Variants in IKZF2 observed in about 807,000 individuals in gnomAD.
IKZF2 encodes the protein zinc finger protein Helios.
IKZF2 carries 15 observed loss-of-function variants against 49.2 expected under a neutral mutation model. The ratio of observed to expected loss-of-function variants is 0.30; its 90% CI spans 0.20 to 0.47. IKZF2 has a LOEUF of 0.47. Ranked by LOEUF, IKZF2 falls within the 20% of genes least tolerant of loss-of-function variation. The pLI is 1.00. For missense variants in IKZF2, 567 were observed against 664.6 expected, an observed-to-expected ratio of 0.85 and a Z score of 1.61; for synonymous variants, 227 against 221.4, an observed-to-expected ratio of 1.03 and a Z score of -0.23.
At chr2:213,054,518 T>A (rs1469547782) in intron 5 of IKZF2, among the ~76,000 whole-genome samples, 3 of 152,106 alleles carry the variant, frequency 2.0e-5, no homozygotes, top group Admixed American at 1.3e-4. Flanking sequence ...GTGTTGAAAA[T>A]GGCAGGACAC....
At chr2:213,125,097 T>C (rs2060215156) in intron 4 of IKZF2, among the ~76,000 whole-genome samples, 1 of 152,216 alleles carries the variant, frequency 6.6e-6, no homozygotes. Flanking sequence ...CTAAATACTT[T>C]GGAAGGGTTT....
intron 4 of IKZF2, among the ~76,000 whole-genome samples, chr2:213,124,252 G>GCGCGCA (rs1270409984): frequency 2.1e-4 from 29 of 136,320 alleles, no homozygotes; most frequent in African/African-American, 7.0e-4. Context: ...GCGCGCGCGC[G>GCGCGCA]CACACACACA....
intron 4 of IKZF2, among the ~76,000 whole-genome samples, chr2:213,072,039 G>C (rs1355921097): frequency 1.3e-5 from 2 of 151,980 alleles, no homozygotes; most frequent in Non-Finnish European, 2.9e-5. Context: ...AAAAATAATA[G>C]CTTGGTTAAA....
At chr2:213,091,962 TA>T (rs1463525991) in intron 4 of IKZF2, among the ~76,000 whole-genome samples, 1 of 151,550 alleles carries the variant, frequency 6.6e-6, no homozygotes, top group African/African-American at 2.4e-5. Context: ...ATTTACTTAT[TA>T]TTTTTTGTTT....
chr2:213,024,017 T>C (rs1018540098), intron 6 of IKZF2, among the ~76,000 whole-genome samples: 3 of 152,140 alleles, frequency 2.0e-5, no homozygotes, highest in Non-Finnish European at 4.4e-5. Flanking sequence ...GGAAGAGACA[T>C]GTAGTTTTTA....
At chr2:213,125,066 G>A (rs188111841) in intron 4 of IKZF2, among the ~76,000 whole-genome samples, 9 of 152,258 alleles carry the variant, frequency 5.9e-5, no homozygotes, top group African/African-American at 2.2e-4. Flanking sequence ...ATTAACCCCT[G>A]AACTTCATTG....
At chr2:213,044,277 G>A (rs73989367) in intron 6 of IKZF2, among the ~76,000 whole-genome samples, 3,630 of 152,214 alleles carry the variant, frequency 0.024, 62 homozygotes, top group African/African-American at 0.056. Flanking sequence ...TGTAAACCCA[G>A]CCATCTTTTT....
chr2:213,146,988 A>G (rs529356007), intron 4 of IKZF2, among the ~76,000 whole-genome samples: 1 of 152,246 alleles, frequency 6.6e-6, no homozygotes, highest in South Asian at 2.1e-4. Flanking sequence ...TTAAGAAAAA[A>G]GCAACCATAT....
intron 4 of IKZF2, among the ~76,000 whole-genome samples, chr2:213,078,998 A>T: frequency 6.6e-6 from 1 of 152,224 alleles, no homozygotes; most frequent in East Asian, 1.9e-4. Context: ...ATTGAAAAAT[A>T]AACCTTAAAT....
chr2:213,069,592 T>C (rs1702492428), intron 4 of IKZF2, among the ~76,000 whole-genome samples: 1 of 152,114 alleles, frequency 6.6e-6, no homozygotes, highest in Non-Finnish European at 1.5e-5. Flanking sequence ...ACTGTAGTAT[T>C]CTAGAAATAA....
intron 4 of IKZF2, among the ~76,000 whole-genome samples, chr2:213,118,056 G>C (rs535460772): frequency 6.6e-6 from 1 of 152,078 alleles, no homozygotes; most frequent in African/African-American, 2.4e-5. Context: ...TAAAAAAAGA[G>C]AGACGGCTTA....
intron 6 of IKZF2, among the ~76,000 whole-genome samples, chr2:213,022,801 A>T (rs1010403928): frequency 6.6e-6 from 1 of 152,158 alleles, no homozygotes; most frequent in African/African-American, 2.4e-5. Context: ...ATTACACAAT[A>T]TGTAGTTACA....
At chr2:213,028,159 C>T (rs1258098258) in intron 6 of IKZF2, among the ~76,000 whole-genome samples, 1 of 151,930 alleles carries the variant, frequency 6.6e-6, no homozygotes, top group Non-Finnish European at 1.5e-5. Flanking sequence ...ATTATCCTTT[C>T]CCCCCTTAAA....
intron 6 of IKZF2, among the ~76,000 whole-genome samples, chr2:213,042,715 G>A (rs972283160): frequency 3.3e-5 from 5 of 152,004 alleles, no homozygotes; most frequent in Admixed American, 6.5e-5. Flanking sequence ...CTGCTTCACA[G>A]GATCTTTAAG....
intron 4 of IKZF2, among the ~76,000 whole-genome samples, chr2:213,121,935 T>C (rs6741219): frequency 0.021 from 3,266 of 152,196 alleles, 121 homozygotes; most frequent in African/African-American, 0.074. Flanking sequence ...GCTGAAGGAA[T>C]ACAACTGAGA....
In IKZF2 at chr2:213,000,784, A is replaced by T. The variant is rs1026463550; in HGVS notation, c.*6576T>A. On this transcript the variant is annotated 3_prime_UTR_variant, in exon 9 of 9. Coordinates refer to ENST00000434687, the MANE Select transcript of IKZF2 (RefSeq NM_001387220.1). ...ATTTCTAAAAGGGGAGAAGTAAAAT[A>T]AAAATATTAAGTATTAGGTTCTTAA... 1 of 151,850 alleles carries T rather than the reference A, an allele frequency of 6.6e-6. No homozygotes were observed. Among genetic ancestry groups the T allele is most frequent in the African/African-American group, 2.4e-5 (1 of 41,390 alleles). 9.4% of individuals were successfully genotyped at this position (151,850 alleles called of 1,614,324 possible). A position where few individuals can be genotyped will look rare whatever the true frequency, so the allele number is the denominator to read the frequency against.
intron 7 of IKZF2, among the ~76,000 whole-genome samples, chr2:213,021,048 A>C (rs1039931453): frequency 2.0e-5 from 3 of 152,084 alleles, no homozygotes; most frequent in Non-Finnish European, 2.9e-5. Flanking sequence ...CCCCGTCTCT[A>C]CTAAAAATAC....
intron 4 of IKZF2, among the ~76,000 whole-genome samples, chr2:213,141,908 A>G (rs1443259282): frequency 6.6e-6 from 1 of 152,060 alleles, no homozygotes; most frequent in Non-Finnish European, 1.5e-5. Flanking sequence ...ATAATTAATA[A>G]TTGCATTTAA....
At chr2:213,094,180 G>C (rs1370933123) in intron 4 of IKZF2, among the ~76,000 whole-genome samples, 2 of 152,066 alleles carry the variant, frequency 1.3e-5, no homozygotes, top group Non-Finnish European at 2.9e-5. Flanking sequence ...TTTGAACTGG[G>C]TTCAAATTTC....
Sources: gnomAD v4.1 joint callset for allele counts (sites outside exome capture counted in the v4.1 genomes callset) on GRCh38, gnomAD v4.1.1 for gene constraint, MANE v1.5 for transcripts, NCBI Gene and HGNC (gene_info 2026-07-23, HGNC 2026-07-21) for gene names.